Variants in LRRC7 observed in about 807,000 individuals in gnomAD.
The protein encoded by LRRC7 is leucine-rich repeat-containing protein 7.
LRRC7 carries 23 observed loss-of-function variants against 175.7 expected under a neutral mutation model. The ratio of observed to expected loss-of-function variants is 0.13; its 90% CI spans 0.09 to 0.19. The LOEUF is 0.19. LRRC7 is among the 10% of genes least tolerant of loss of function. LRRC7 has a pLI of 1.00. For missense variants in LRRC7, 1,354 were observed against 1,904.7 expected, an observed-to-expected ratio of 0.71 and a Z score of 5.38; for synonymous variants, 685 against 680.9, an observed-to-expected ratio of 1.01 and a Z score of -0.09.
At chr1:69,830,006 A>T (rs1680347927) in intron 5 of LRRC7, among the ~76,000 whole-genome samples, 1 of 151,802 alleles carries the variant, frequency 6.6e-6, no homozygotes, top group African/African-American at 2.4e-5. Flanking sequence ...TTTATTGAGA[A>T]CCTATGTCTT....
intron 1 of LRRC7, among the ~76,000 whole-genome samples, chr1:69,654,658 C>G (rs566219249): frequency 6.6e-6 from 1 of 151,908 alleles, no homozygotes; most frequent in African/African-American, 2.4e-5. Flanking sequence ...TTTTAAAAAC[C>G]CATTTTTGAA....
chr1:70,033,440 C>CGTCATTATCATCATT (rs1553193205), intron 18 of LRRC7, among the ~76,000 whole-genome samples: 1 of 152,090 alleles, frequency 6.6e-6, no homozygotes, highest in Non-Finnish European at 1.5e-5. Flanking sequence ...TCATCATTGT[C>CGTCATTATCATCATT]GTCATTATCA....
At chr1:69,579,970 T>C (rs938604000) in intron 1 of LRRC7, among the ~76,000 whole-genome samples, 2 of 152,080 alleles carry the variant, frequency 1.3e-5, no homozygotes, top group Non-Finnish European at 2.9e-5. Flanking sequence ...CACTGCTTGC[T>C]CTTTCCCTAA....
intron 8 of LRRC7, among the ~76,000 whole-genome samples, chr1:69,947,433 A>G (rs1336940059): frequency 6.6e-6 from 1 of 151,912 alleles, no homozygotes; most frequent in African/African-American, 2.4e-5. Context: ...ATCAATAGGT[A>G]TATTTTGGGC....
intron 2 of LRRC7, among the ~76,000 whole-genome samples, chr1:69,730,679 A>G (rs1209194986): frequency 1.3e-5 from 2 of 151,904 alleles, no homozygotes; most frequent in Non-Finnish European, 2.9e-5. Context: ...ACTTTTCCAC[A>G]TTTTCCTATC....
chr1:69,957,984 ATTT>A (rs1469243257), intron 8 of LRRC7, among the ~76,000 whole-genome samples: 1 of 151,954 alleles, frequency 6.6e-6, no homozygotes, highest in Non-Finnish European at 1.5e-5. Context: ...AAAAACATGT[ATTT>A]TCAACATTTC....
intron 7 of LRRC7, among the ~76,000 whole-genome samples, chr1:69,923,716 G>A (rs1646966186): frequency 6.6e-6 from 1 of 151,848 alleles, no homozygotes; most frequent in Non-Finnish European, 1.5e-5. Context: ...TTTGTCAGAT[G>A]AGTAGGTTGC....
At chr1:69,682,764 A>G (rs1224762993) in intron 2 of LRRC7, among the ~76,000 whole-genome samples, 2 of 110,396 alleles carry the variant, frequency 1.8e-5, no homozygotes, top group African/African-American at 6.2e-5. Flanking sequence ...TGGATAGGCT[A>G]AGAAAGAGAT....
intron 17 of LRRC7, among the ~76,000 whole-genome samples, chr1:70,025,546 A>G (rs1340596279): frequency 1.3e-5 from 2 of 152,102 alleles, no homozygotes; most frequent in Non-Finnish European, 2.9e-5. Context: ...TCATCTCTGC[A>G]TAGAACTTAC....
chr1:69,992,476 A>G (rs957285306), intron 10 of LRRC7, among the ~76,000 whole-genome samples: 4 of 152,172 alleles, frequency 2.6e-5, no homozygotes, highest in African/African-American at 9.7e-5. Flanking sequence ...CTAAGCACAT[A>G]TGATATAGAA....
chr1:69,666,679 G>T (rs527276720), intron 1 of LRRC7, among the ~76,000 whole-genome samples: 73 of 151,598 alleles, frequency 4.8e-4, no homozygotes, highest in African/African-American at 1.7e-3. Context: ...TTTTATCTCT[G>T]ATTTTATTTA....
chr1:69,591,617 C>T lies in LRRC7; in HGVS notation c.2+22976C>T, dbSNP rs555664720. On this transcript the variant is annotated intron_variant, in intron 1 of 26. Transcript: ENST00000651989. ...ACAACTCTATGGTTCCACAGTTTTA[C>T]ATAATCCAATATCACCAAGATAAAT... Among the ~76,000 whole-genome samples, 19 of 152,104 alleles carry T rather than the reference C, an allele frequency of 1.2e-4. 1 individual carries two copies. In the South Asian group the frequency reaches 3.7e-3, roughly 30 times the overall value.
At chr1:70,121,704 G>A (rs369897504) in intron 26 of LRRC7, 76 bp from the exon 27 acceptor site, 2 of 970,172 alleles carry the variant, frequency 2.1e-6, no homozygotes, top group Non-Finnish European at 1.6e-6. Context: ...GTGCTCCCGT[G>A]AATTTTATGA....
At chr1:69,781,932 G>GAA (rs755834892) in intron 3 of LRRC7, among the ~76,000 whole-genome samples, 27,526 of 143,800 alleles carry the variant, frequency 0.19, 3,614 homozygotes, top group Middle Eastern at 0.3. Flanking sequence ...AAGAAAGAAA[G>GAA]AAAGAAAGAG....
rs530768474 is a variant in LRRC7 at position 70,085,542 on chromosome 1, C to T, written c.4453-4185C>T. On this transcript the variant is annotated intron_variant, in intron 24 of 26. Coordinates refer to ENST00000651989, the MANE Select transcript of LRRC7 (RefSeq NM_001370785.2). Reference sequence around the variant, plus strand: ...TCTTTAGGGCATTTATAATTGCTGTCCCCTTTGCTTGGGATAGTGTTTCAT... The same window carrying T: ...TCTTTAGGGCATTTATAATTGCTGTTCCCTTTGCTTGGGATAGTGTTTCAT... Among the ~76,000 whole-genome samples, 5 of 152,192 alleles carry T rather than the reference C, an allele frequency of 3.3e-5. No individual in the cohort carries two copies. The South Asian group carries it at 1.0e-3, about 32-fold the overall frequency.
chr1:69,921,030 G>C (rs1023439697), intron 7 of LRRC7, among the ~76,000 whole-genome samples: 2 of 152,144 alleles, frequency 1.3e-5, no homozygotes, highest in Admixed American at 6.5e-5. Context: ...TGTAGCAGAT[G>C]TTCTCCTTAA....
At chr1:70,032,774 T>C (rs1469241130) in intron 18 of LRRC7, among the ~76,000 whole-genome samples, 1 of 152,208 alleles carries the variant, frequency 6.6e-6, no homozygotes, top group African/African-American at 2.4e-5. Flanking sequence ...CTTTGACTTC[T>C]TCCTGAGGCT....
intron 8 of LRRC7, among the ~76,000 whole-genome samples, chr1:69,974,132 T>G (rs1652570399): frequency 2.0e-5 from 3 of 152,250 alleles, no homozygotes; most frequent in African/African-American, 7.2e-5. Context: ...TTTTCTGTAC[T>G]TGCTTACTCA....
intron 23 of LRRC7, among the ~76,000 whole-genome samples, chr1:70,070,928 A>G (rs1204067378): frequency 6.6e-6 from 1 of 152,152 alleles, no homozygotes; most frequent in Non-Finnish European, 1.5e-5. Context: ...GGGGCTTATT[A>G]CTAGTTGATG....
Sources: allele counts gnomAD v4.1 joint callset (sites outside exome capture counted in the v4.1 genomes callset), GRCh38; gene constraint gnomAD v4.1.1; transcripts MANE v1.5; gene names NCBI Gene and HGNC (gene_info 2026-07-23, HGNC 2026-07-21).